Variants in ADAMTS17 observed in about 807,000 individuals in gnomAD.
ADAMTS17 encodes the protein ADAM metallopeptidase with thrombospondin type 1 motif 17, also known as A disintegrin and metalloproteinase with thrombospondin motifs 17.
ADAMTS17 carries 113 observed loss-of-function variants against 141.5 expected under a neutral mutation model. The ratio of observed to expected loss-of-function variants is 0.80; its 90% CI spans 0.69 to 0.93. The LOEUF (loss-of-function observed/expected upper bound fraction) is 0.93, where lower values mean the gene tolerates loss of function less well. Ranked by LOEUF, ADAMTS17 falls within the 40% of genes least tolerant of loss-of-function variation. The pLI is 0.00. For missense variants in ADAMTS17, 1,659 were observed against 1,517.9 expected (o/e 1.09, Z -1.54); for synonymous variants, 768 against 630.6 (o/e 1.22, Z -3.27).
chr15:100,310,684 C>T (rs368009097), intron 3 of ADAMTS17, among the ~76,000 whole-genome samples: 39 of 152,340 alleles, frequency 2.6e-4, no homozygotes, highest in East Asian at 9.7e-4. Context: ...CCACCAGTGA[C>T]GCCTGACGTT....
chr15:100,162,888 G>A (rs1318948399), intron 8 of ADAMTS17, among the ~76,000 whole-genome samples: 1 of 144,446 alleles, frequency 6.9e-6, no homozygotes, highest in Non-Finnish European at 1.5e-5. Flanking sequence ...GTATATATAT[G>A]TGTATATAGA....
At chr15:100,310,691 C>T (rs972944791) in intron 3 of ADAMTS17, among the ~76,000 whole-genome samples, 1 of 152,194 alleles carries the variant, frequency 6.6e-6, no homozygotes, top group Non-Finnish European at 1.5e-5. Context: ...TGACGCCTGA[C>T]GTTTTCTGCT....
chr15:100,247,600 G>A (rs4246312), intron 7 of ADAMTS17, among the ~76,000 whole-genome samples: 91,746 of 151,978 alleles, frequency 0.6, 29,153 homozygotes, highest in East Asian at 0.78. Context: ...AGACGGGCCC[G>A]TTTTCATATG....
At chr15:100,255,286 A>G (rs935887185) in intron 6 of ADAMTS17, among the ~76,000 whole-genome samples, 4 of 152,050 alleles carry the variant, frequency 2.6e-5, no homozygotes, top group African/African-American at 4.8e-5. Flanking sequence ...AGGAGCCACA[A>G]CCTGGCCCAG....
intron 15 of ADAMTS17, among the ~76,000 whole-genome samples, chr15:100,081,959 T>C (rs550286310): frequency 2.2e-4 from 33 of 152,368 alleles, no homozygotes; most frequent in Admixed American, 3.3e-4. Flanking sequence ...TAACATATAT[T>C]ACTATAATTT....
chr15:100,250,979 C>T (rs1485018714), intron 7 of ADAMTS17, among the ~76,000 whole-genome samples: 1 of 152,148 alleles, frequency 6.6e-6, no homozygotes, highest in South Asian at 2.1e-4. Context: ...TTCTGTTCAT[C>T]GAATCATCCC....
intron 7 of ADAMTS17, among the ~76,000 whole-genome samples, chr15:100,203,701 T>A (rs750474217): frequency 1.3e-5 from 2 of 151,942 alleles, no homozygotes; most frequent in African/African-American, 2.4e-5. Context: ...CAAGACTCTT[T>A]CTCAAACAAA....
At position 99,989,819 on chromosome 15, in the gene ADAMTS17, T is replaced by C. The variant is rs369140179; in HGVS notation, c.2949+3229A>G. On this transcript the variant is annotated intron_variant, in intron 20 of 21. Coordinates refer to ENST00000268070, the MANE Select transcript of ADAMTS17 (RefSeq NM_139057.4). ...ACTGTGCCCCAGAACCGTGTGAACATTGGGTGGTGGATTTTGGGCAATGAA... is the reference window on the plus strand; with the variant it reads ...ACTGTGCCCCAGAACCGTGTGAACACTGGGTGGTGGATTTTGGGCAATGAA... Among the ~76,000 whole-genome samples the C allele has an allele frequency of 1.1e-4, 17 of 152,264 alleles. No individual in the cohort carries two copies. In the East Asian group the frequency reaches 1.9e-3, roughly 17 times the overall value.
chr15:100,092,240 G>C (rs903655163), intron 15 of ADAMTS17, among the ~76,000 whole-genome samples: 1 of 152,208 alleles, frequency 6.6e-6, no homozygotes, highest in Non-Finnish European at 1.5e-5. Context: ...TCATCTTACA[G>C]TTTTTCTGAT....
intron 8 of ADAMTS17, among the ~76,000 whole-genome samples, chr15:100,184,192 G>A (rs1238300158): frequency 2.6e-5 from 4 of 152,114 alleles, no homozygotes. Flanking sequence ...CTCCCCATGT[G>A]GTCTCTGTTG....
chr15:100,216,168 C>A (rs1179440245), intron 7 of ADAMTS17, among the ~76,000 whole-genome samples: 1 of 152,140 alleles, frequency 6.6e-6, no homozygotes, highest in Non-Finnish European at 1.5e-5. Flanking sequence ...TGAACACCTA[C>A]CTCGTGGAAT....
At chr15:100,070,804 T>C (rs1454236086) in intron 15 of ADAMTS17, among the ~76,000 whole-genome samples, 4 of 149,082 alleles carry the variant, frequency 2.7e-5, no homozygotes, top group Non-Finnish European at 4.5e-5. Context: ...AGATCTAAAA[T>C]TGACACCCTA....
intron 2 of ADAMTS17, among the ~76,000 whole-genome samples, chr15:100,337,126 G>C (rs1427590783): frequency 6.6e-6 from 1 of 152,156 alleles, no homozygotes; most frequent in South Asian, 2.1e-4. Context: ...CACCCACCTC[G>C]GCCTTCCAAA....
intron 7 of ADAMTS17, among the ~76,000 whole-genome samples, chr15:100,224,997 G>A (rs4246308): frequency 0.4 from 60,600 of 152,126 alleles, 13,170 homozygotes; most frequent in Non-Finnish European, 0.49. Context: ...ATGGATCCAC[G>A]AGGCTGCCTT....
At chr15:99,977,390 ATATATATATAATTTTTTTTTTT>A (rs2060379362) in intron 20 of ADAMTS17, among the ~76,000 whole-genome samples, 1 of 8,494 alleles carries the variant, frequency 1.2e-4, no homozygotes, top group African/African-American at 4.8e-4. Context: ...ATATATATAT[ATATATATATAATTTTTTTTTTT>A]TTTTTTTTTT....
intron 18 of ADAMTS17, among the ~76,000 whole-genome samples, chr15:100,041,377 G>A (rs1179351865): frequency 6.6e-6 from 1 of 152,186 alleles, no homozygotes; most frequent in Non-Finnish European, 1.5e-5. Flanking sequence ...TGGCTAATAA[G>A]CTCTTAAAGA....
At chr15:100,074,236 C>G (rs1333175616) in intron 15 of ADAMTS17, 3 of 152,520 alleles carry the variant, frequency 2.0e-5, no homozygotes, top group South Asian at 2.1e-4. Context: ...AGAAAAATGT[C>G]AAATATTCCT....
chr15:100,293,716 A>G (rs1050063116), intron 3 of ADAMTS17, among the ~76,000 whole-genome samples: 13 of 152,144 alleles, frequency 8.5e-5, no homozygotes, highest in Non-Finnish European at 2.9e-5. Context: ...GAGAGTCTAC[A>G]CTTGCCTTCT....
intron 18 of ADAMTS17, among the ~76,000 whole-genome samples, chr15:100,010,006 T>C (rs2061129036): frequency 1.3e-5 from 2 of 152,202 alleles, no homozygotes; most frequent in Non-Finnish European, 2.9e-5. Context: ...AACTGAATCA[T>C]GAGGGTGGTT....
Sources: gnomAD v4.1 joint callset for allele counts (sites outside exome capture counted in the v4.1 genomes callset) on GRCh38, gnomAD v4.1.1 for gene constraint, MANE v1.5 for transcripts, NCBI Gene and HGNC (gene_info 2026-07-23, HGNC 2026-07-21) for gene names.